Variants in ZNF114 observed in about 807,000 individuals in gnomAD.
ZNF114 encodes the protein zinc finger protein 114 (Y18).
Under a neutral mutation model 6.8 loss-of-function variants are expected in ZNF114, and 8 were observed. That is an observed-to-expected ratio of 1.18 (90% CI 0.69 to 2.13). The LOEUF (loss-of-function observed/expected upper bound fraction) is 2.13, where lower values mean the gene tolerates loss of function less well. Ranked by LOEUF, ZNF114 falls within the 30% of genes most tolerant of loss-of-function variation. The pLI is 0.00. For synonymous variants in ZNF114, 169 were observed against 185.5 expected (o/e 0.91, Z 0.72); for missense variants, 472 against 519.5 (o/e 0.91, Z 0.89).
chr19:48,278,493 A>G (rs35932107), intron 3 of ZNF114, among the ~76,000 whole-genome samples: 8,483 of 152,154 alleles, frequency 0.056, 504 homozygotes, highest in African/African-American at 0.15. Flanking sequence ...TCGTTCACTC[A>G]GCATCCTGTT....
intron 3 of ZNF114, among the ~76,000 whole-genome samples, chr19:48,272,380 C>T (rs1458366104): frequency 6.7e-6 from 1 of 148,608 alleles, no homozygotes; most frequent in Non-Finnish European, 1.5e-5. Flanking sequence ...CCATTGCACT[C>T]CAGCCTGGGC....
chr19:48,286,107 T>C lies in ZNF114; in HGVS notation c.483T>C (p.Asn161=), dbSNP rs1261507263. Residue 161 remains asparagine, a synonymous_variant, in exon 6 of 6, where the codon AAT becomes AAC. Transcript: ENST00000595607. ...LTRDSSIFKY[N]PVLNDSQKTH... is the part of the protein sequence containing the mutation. ...GTGACTCAAGTATTTTCAAGTATAA[T>C]CCTGTCTTAAACGATAGTCAAAAAA... The C allele has an allele frequency of 6.2e-7, 1 of 1,613,998 alleles. No individual in the cohort carries two copies. The highest frequency in any genetic ancestry group is 1.3e-5 in the African/African-American group (1 of 74,918).
At position 48,286,507 on chromosome 19, in the gene ZNF114, A is replaced by G. The variant is rs774720444; in HGVS notation, c.883A>G (p.Lys295Glu). The stretch of plus-strand genomic sequence containing the variant: ...CAACGCTCCAAATTCCGGTTCACAC[A>G]AGAGTCATTGCACTGGAGAGAAAAC... ...SANAPNSGSH[K>E]SHCTGEKTHK... The change falls in exon 6 of 6, where the codon AAG becomes GAG. Residue 295 changes from lysine to glutamate, a missense_variant. Physicochemically the swap from Lys to Glu is moderately conservative, Grantham distance 56. Coordinates refer to ENST00000595607, the MANE Select transcript of ZNF114 (RefSeq NM_153608.4). 6.2e-7 allele frequency: 1 copy of G among 1,614,226 alleles called. No homozygotes were observed.
intron 5 of ZNF114, among the ~76,000 whole-genome samples, chr19:48,285,539 G>A (rs376808365): frequency 1.1e-5 from 1 of 90,014 alleles, no homozygotes; most frequent in Admixed American, 1.2e-4. Context: ...GAGAGAGAGA[G>A]GAAAGAAGGA....
chr19:48,270,101 CA>C lies in ZNF114; in HGVS notation c.-494del, dbSNP rs1327334362. 1 of 153,046 alleles carries C rather than the reference CA, an allele frequency of 6.5e-6. No individual in the cohort carries two copies. The highest frequency in any genetic ancestry group is 1.5e-5 in the Non-Finnish European group (1 of 68,684). The allele number at this position is 153,046 out of a possible 1,614,324, so 9.5% of individuals were successfully genotyped here. The stretch of plus-strand genomic sequence containing the variant: ...CCTTCGCTGACTCTCTTTTCCAACT[CA>C]GCCCACTTGCACCCAAGTGAATAAA... On this transcript the variant is annotated 5_prime_UTR_variant, in exon 1 of 6. Transcript: ENST00000595607.
In ZNF114 at chr19:48,286,126, C is replaced by A; in HGVS notation, c.502C>A (p.Gln168Lys). The A allele has an allele frequency of 1.2e-6, 2 of 1,614,062 alleles. No individual in the cohort carries two copies. The highest frequency in any genetic ancestry group is 1.1e-5 in the South Asian group (1 of 91,040). ...FKYNPVLNDS[Q>K]KTHENNEDDG... ...GTATAATCCTGTCTTAAACGATAGT[C>A]AAAAAACACATGAAAACAACGAAGA... Residue 168 changes from glutamine to lysine, a missense_variant, in exon 6 of 6, where the codon CAA becomes AAA. Transcript: ENST00000595607.
intron 3 of ZNF114, among the ~76,000 whole-genome samples, chr19:48,276,228 T>C (rs368203411): frequency 1.8e-4 from 27 of 151,508 alleles, no homozygotes; most frequent in African/African-American, 6.3e-4. Context: ...TACAGGCGTG[T>C]GCCACCACAC....
chr19:48,285,626 T>G (rs1010167739), intron 5 of ZNF114, 135 bp from the exon 6 acceptor site: 4 of 953,086 alleles, frequency 4.2e-6, no homozygotes, highest in South Asian at 3.9e-5. Context: ...AAAGAAAGGA[T>G]GGAAGGAGCG....
At chr19:48,283,715 G>A (rs1379615795) in intron 5 of ZNF114, among the ~76,000 whole-genome samples, 4 of 148,606 alleles carry the variant, frequency 2.7e-5, no homozygotes, top group African/African-American at 7.4e-5. Context: ...TCTTCTCCCT[G>A]GGGGGTTCTG....
Position 48,286,174 on chromosome 19 carries a change from A to T in ZNF114, c.550A>T (p.Ile184Phe), listed in dbSNP as rs564171301. 46 of 1,614,226 alleles carry T rather than the reference A, an allele frequency of 2.8e-5. No individual in the cohort carries two copies. The highest frequency in any genetic ancestry group is 2.2e-4 in the Admixed American group (13 of 60,008). The change falls in exon 6 of 6, where the codon ATT (isoleucine) becomes TTT (phenylalanine). Residue 184 changes from isoleucine (I) to phenylalanine (F), a missense_variant. Coordinates refer to ENST00000595607, the MANE Select transcript of ZNF114 (RefSeq NM_153608.4). ...AGACGATGGAGTCTTGGGGTGGAAC[A>T]TTCAGTGGGTTCCGTGTGGGAGAAA... is the stretch of plus-strand genomic sequence containing the variant. ...NEDDGVLGWN[I>F]QWVPCGRKTE...
At chr19:48,274,504 ATATT>A (rs1219711943) in intron 3 of ZNF114, among the ~76,000 whole-genome samples, 30 of 11,832 alleles carry the variant, frequency 2.5e-3, no homozygotes, top group Admixed American at 5.4e-3. Context: ...ATATATATAT[ATATT>A]TTTTTTTTTT....
At chr19:48,280,192 G>T (rs557744941) in intron 4 of ZNF114, among the ~76,000 whole-genome samples, 1 of 152,052 alleles carries the variant, frequency 6.6e-6, no homozygotes, top group South Asian at 2.1e-4. Context: ...AAACCAGCCT[G>T]GGCAATGTAG....
chr19:48,278,225 C>T (rs1012781440), intron 3 of ZNF114, among the ~76,000 whole-genome samples: 4 of 152,288 alleles, frequency 2.6e-5, no homozygotes, highest in African/African-American at 7.2e-5. Flanking sequence ...CTTGAGCCAA[C>T]GCGCCCGGCC....
At chr19:48,279,232 G>A (rs754205790) in intron 3 of ZNF114, among the ~76,000 whole-genome samples, 14 of 150,416 alleles carry the variant, frequency 9.3e-5, no homozygotes, top group Non-Finnish European at 1.6e-4. Flanking sequence ...CCATCTCTAT[G>A]AAAATAAATA....
At chr19:48,278,378 C>T (rs1967903559) in intron 3 of ZNF114, among the ~76,000 whole-genome samples, 1 of 152,220 alleles carries the variant, frequency 6.6e-6, no homozygotes, top group Admixed American at 6.5e-5. Context: ...CTCATCTCCC[C>T]CAGCCCTGGA....
chr19:48,272,370 C>CCATT (rs1250441033), intron 3 of ZNF114, among the ~76,000 whole-genome samples: 2 of 149,224 alleles, frequency 1.3e-5, no homozygotes, highest in Non-Finnish European at 3.0e-5. Context: ...CGAAATCGAG[C>CCATT]CATTGCACTC....
chr19:48,279,932 C>A, intron 4 of ZNF114, 124 bp downstream of exon 4: 1 of 1,401,448 alleles, frequency 7.1e-7, no homozygotes, highest in Non-Finnish European at 1.0e-6. Context: ...GCCAGCCGTG[C>A]TGCCCTAGGT....
intron 3 of ZNF114, among the ~76,000 whole-genome samples, chr19:48,272,554 ATC>A (rs1189635020): frequency 6.7e-6 from 1 of 149,170 alleles, no homozygotes; most frequent in African/African-American, 2.5e-5. Context: ...AGCGCCTGTA[ATC>A]CTAGCTACTT....
intron 4 of ZNF114, among the ~76,000 whole-genome samples, chr19:48,280,298 C>T (rs1446303684): frequency 1.3e-5 from 2 of 152,074 alleles, no homozygotes; most frequent in Non-Finnish European, 1.5e-5. Context: ...GTGAGAGAAT[C>T]GCTTGAGCCC....
Sources: gnomAD v4.1 joint callset for allele counts (sites outside exome capture counted in the v4.1 genomes callset) on GRCh38, gnomAD v4.1.1 for gene constraint, MANE v1.5 for transcripts, NCBI Gene and HGNC (gene_info 2026-07-23, HGNC 2026-07-21) for gene names.